Variants in RUFY2 observed in about 807,000 individuals in gnomAD.
RUFY2 encodes RUN and FYVE domain-containing protein 2.
A neutral mutation model predicts 94.4 loss-of-function variants in RUFY2; 49 were observed. That is an observed-to-expected ratio of 0.52 (90% CI 0.41 to 0.66). The LOEUF is 0.66. RUFY2 is among the 30% of genes least tolerant of loss of function. RUFY2 has a pLI of 0.00. For missense variants in RUFY2, 541 were observed against 692.8 expected (o/e 0.78, Z 2.46); for synonymous variants, 255 against 235.7 (o/e 1.08, Z -0.75).
intron 1 of RUFY2, among the ~76,000 whole-genome samples, chr10:68,406,181 C>CAAA (rs1301745149): frequency 1.3e-5 from 2 of 151,004 alleles, no homozygotes; most frequent in Non-Finnish European, 3.0e-5. Context: ...ACAACAACAA[C>CAAA]AAAAAACCCA....
chr10:68,376,440 GTGTATATATA>G (rs1301200505), intron 13 of RUFY2, among the ~76,000 whole-genome samples: 1,500 of 48,244 alleles, frequency 0.031, 70 homozygotes, highest in Middle Eastern at 0.081. Context: ...AAAAAAATGT[GTGTATATATA>G]TATATATATA....
At chr10:68,350,068 A>T (rs2046558897) in intron 16 of RUFY2, among the ~76,000 whole-genome samples, 1 of 151,440 alleles carries the variant, frequency 6.6e-6, no homozygotes, top group Admixed American at 6.6e-5. Context: ...GGAATGCAGT[A>T]GTGGGATCTC....
chr10:68,373,176 T>C (rs930417466), intron 13 of RUFY2, among the ~76,000 whole-genome samples: 1 of 152,188 alleles, frequency 6.6e-6, no homozygotes. Context: ...GGTAAAATGT[T>C]AATGCCAACA....
At chr10:68,350,591 C>T (rs2046593124) in intron 16 of RUFY2, among the ~76,000 whole-genome samples, 1 of 152,102 alleles carries the variant, frequency 6.6e-6, no homozygotes, top group Non-Finnish European at 1.5e-5. Flanking sequence ...TAATAATTAA[C>T]ACAAAATACA....
chr10:68,391,060 G>C lies in RUFY2; in HGVS notation c.650+2078C>G, dbSNP rs564273780. Among the ~76,000 whole-genome samples the C allele has an allele frequency of 5.3e-5, 8 of 150,972 alleles. No homozygotes were observed. In the South Asian group the frequency reaches 1.3e-3, roughly 24 times the overall value. On this transcript the variant is annotated intron_variant, in intron 7 of 17. Transcript: ENST00000602465. ...AGCAATTCTCCTGCCTCAGCCTCCC[G>C]AGTAGCTGGAACTACAGGCACATGC...
chr10:68,376,337 GAA>G (rs1468419802), intron 13 of RUFY2, among the ~76,000 whole-genome samples: 3 of 148,576 alleles, frequency 2.0e-5, no homozygotes, highest in East Asian at 4.0e-4. Flanking sequence ...TGAGGCAGGA[GAA>G]TCGCTTGAAC....
chr10:68,341,356 T>TA (rs2045922756), downstream of RUFY2: 1 of 1,565,356 alleles, frequency 6.4e-7, no homozygotes, highest in Admixed American at 2.1e-5. Flanking sequence ...AACGTGAATT[T>TA]ATAAAATAAG....
rs745379093 is a variant in RUFY2, at chr10:68,345,913, T to C, written c.1678-2A>G. ...TTCCCCACAATTTCTACAGTGGTGC[T>C]ATTAAACAGAAAAATCAGAGGGAAA... On this transcript the variant is annotated splice_acceptor_variant, in intron 17 of 17. Coordinates refer to ENST00000602465, the MANE Select transcript of RUFY2 (RefSeq NM_001330103.2). LOFTEE classifies it high-confidence loss of function. 1 of 1,613,150 alleles carries C rather than the reference T, an allele frequency of 6.2e-7. No homozygotes were observed. The highest frequency in any genetic ancestry group is 8.5e-7 in the Non-Finnish European group (1 of 1,179,768).
chr10:68,378,441 A>C, intron 12 of RUFY2: 1 of 1,288,350 alleles, frequency 7.8e-7, no homozygotes, highest in African/African-American at 1.5e-5. Context: ...CTGACCAAGA[A>C]ATGTACAGGG....
At chr10:68,347,278 CTTTTTTTTTTTTT>C (rs66465620) in intron 16 of RUFY2, among the ~76,000 whole-genome samples, 4 of 86,510 alleles carry the variant, frequency 4.6e-5, no homozygotes, top group Non-Finnish European at 6.3e-5. Flanking sequence ...CAACTTGACC[CTTTTTTTTTTTTT>C]TTTTTTTTTT....
At chr10:68,360,509 C>T (rs1438388909) in intron 15 of RUFY2, among the ~76,000 whole-genome samples, 4 of 151,734 alleles carry the variant, frequency 2.6e-5, no homozygotes, top group South Asian at 2.1e-4. Context: ...TTTGGGAGGC[C>T]GAGGCGGGCA....
At chr10:68,364,803 T>A (rs1039702224) in intron 13 of RUFY2, among the ~76,000 whole-genome samples, 28 of 151,794 alleles carry the variant, frequency 1.8e-4, no homozygotes, top group African/African-American at 5.1e-4. Flanking sequence ...CCTGGGCTCC[T>A]CCCACCTCAG....
chr10:68,395,681 C>T (rs2133105965), intron 4 of RUFY2, among the ~76,000 whole-genome samples: 1 of 152,284 alleles, frequency 6.6e-6, no homozygotes, highest in Admixed American at 6.5e-5. Flanking sequence ...CACCAACATA[C>T]ATTCAGAGAA....
In RUFY2 at chr10:68,370,448, CTTT is replaced by C. The variant is rs949829713; in HGVS notation, c.1326-6338_1326-6336del. ...AGCAGTAACAAGGCATTTCTTTTTT[CTTT>C]TTTTTTTTTTTTTTTTGAGACAGAG... On this transcript the variant is annotated intron_variant, in intron 13 of 17. Transcript: ENST00000602465. 5.7e-3 allele frequency among the ~76,000 whole-genome samples: 718 copies of C among 126,134 alleles called. 4 individuals are homozygous for C. Among genetic ancestry groups the C allele is most frequent in the African/African-American group, 0.019 (676 of 35,030 alleles). 82.7% of individuals were successfully genotyped at this position (126,134 alleles called of 152,430 possible). A position where few individuals can be genotyped will look rare whatever the true frequency, so the allele number is the denominator to read the frequency against.
Position 68,393,136 on chromosome 10 carries a change from A to G in RUFY2, c.650+2T>C. ...AATGTGCTAAGTATCCATAATACTT[A>G]CTTCAGTTGTCTATTTAATTCTTCA... On this transcript the variant is annotated splice_donor_variant, in intron 7 of 17. Coordinates refer to ENST00000602465, the MANE Select transcript of RUFY2 (RefSeq NM_001330103.2). LOFTEE classifies it high-confidence loss of function. 6.8e-7 allele frequency: 1 copy of G among 1,480,108 alleles called. No homozygotes were observed. Among genetic ancestry groups the G allele is most frequent in the Non-Finnish European group, 9.3e-7 (1 of 1,070,714 alleles). The allele number at this position is 1,480,108 out of a possible 1,614,324, so 91.7% of individuals were successfully genotyped here.
In RUFY2 at chr10:68,363,622, T is replaced by C. The variant is rs771085240; in HGVS notation, c.1518A>G (p.Gln506=). ...GCTTGTTGCCGAGTTCTTGAAGAGC[T>C]TGCTCTTGTTCATGATATATTTTTT... ...QLKKIYHEQE[Q]ALQELGNKLS... is the part of the protein sequence containing the mutation. The change falls in exon 15 of 18, where the codon CAA becomes CAG. Residue 506 remains glutamine (Q), a synonymous_variant. Transcript: ENST00000602465. The C allele has an allele frequency of 5.6e-6, 9 of 1,608,628 alleles. No individual in the cohort carries two copies. The African/African-American group carries it at 8.0e-5, about 14-fold the overall frequency.
chr10:68,406,686 TG>T (rs2051341195), intron 1 of RUFY2: 1 of 1,397,046 alleles, frequency 7.2e-7, no homozygotes, highest in South Asian at 1.4e-5. Context: ...CCTCTCTTCC[TG>T]CCCCCTCCCC....
At position 68,383,938 on chromosome 10, in the gene RUFY2, A is replaced by G. The variant is rs749297193; in HGVS notation, c.823-24T>C. 3.8e-6 allele frequency: 6 copies of G among 1,593,034 alleles called. No individual in the cohort carries two copies. In the African/African-American group the frequency reaches 6.7e-5, roughly 18 times the overall value. On this transcript the variant is annotated intron_variant, in intron 9 of 17. Coordinates refer to ENST00000602465, the MANE Select transcript of RUFY2 (RefSeq NM_001330103.2). ...ACCTAGGAAGAAAACAAAATTTTTC[A>G]TTCTATAATCACTACTATTAATACA... is the stretch of plus-strand genomic sequence containing the variant.
chr10:68,364,147 C>A, intron 13 of RUFY2, 34 bp from the exon 14 acceptor site: 1 of 1,589,068 alleles, frequency 6.3e-7, no homozygotes, highest in Non-Finnish European at 8.6e-7. Flanking sequence ...AAGCTCAGTG[C>A]TATTTCTCAC....
Sources: gnomAD v4.1 joint callset for allele counts (sites outside exome capture counted in the v4.1 genomes callset) on GRCh38, gnomAD v4.1.1 for gene constraint, MANE v1.5 for transcripts, NCBI Gene and HGNC (gene_info 2026-07-23, HGNC 2026-07-21) for gene names.